Variants in RBM12 observed in about 807,000 individuals in gnomAD.
RBM12 encodes RNA-binding protein 12.
In RBM12, 24 loss-of-function variants were observed where a neutral mutation model predicts 37.2. The observed-to-expected ratio is 0.65, with a 90% CI of 0.47 to 0.91. The LOEUF (loss-of-function observed/expected upper bound fraction) is 0.91, where lower values mean the gene tolerates loss of function less well. Ranked by LOEUF, RBM12 falls within the 40% of genes least tolerant of loss-of-function variation. RBM12 has a pLI of 0.00. For synonymous variants in RBM12, 420 were observed against 425.2 expected (o/e 0.99, Z 0.15); for missense variants, 1,061 against 1,183.2 (o/e 0.90, Z 1.52).
Position 35,654,434 on chromosome 20 carries a change from G to C in RBM12, c.889C>G (p.Leu297Val). ...TACAGATCATCAGGGTTGATGGGGA[G>C]TGGCTTCACACTGCTCTGAGAGTTC... Reference protein sequence around the residue: ...QMNSQSSVKPLPINPDDLYVS... With the variant: ...QMNSQSSVKPVPINPDDLYVS... Residue 297 changes from leucine to valine, a missense_variant, in exon 3 of 3, where the codon CTC becomes GTC. Around this residue, in one of 3 missense-constraint regions of RBM12, gnomAD observed 540 missense variants for 632.7 expected, o/e 0.85. Transcript: ENST00000374114. 1 of 1,614,210 alleles carries C rather than the reference G, an allele frequency of 6.2e-7. No individual in the cohort carries two copies. Among genetic ancestry groups the C allele is most frequent in the South Asian group, 1.1e-5 (1 of 91,086 alleles).
At chr20:35,660,270 T>C (rs1408868175) in intron 1 of RBM12, among the ~76,000 whole-genome samples, 1 of 152,176 alleles carries the variant, frequency 6.6e-6, no homozygotes, top group African/African-American at 2.4e-5. Context: ...TGGCGCGATC[T>C]AGGCTCATTA....
At chr20:35,663,559 A>T (rs762315841) in intron 1 of RBM12, among the ~76,000 whole-genome samples, 2 of 152,118 alleles carry the variant, frequency 1.3e-5, no homozygotes, top group African/African-American at 2.4e-5. Flanking sequence ...AACTTCTTCA[A>T]TTTATATTAG....
At chr20:35,664,701 C>T (rs991272778) in intron 1 of RBM12, 59 bp downstream of exon 1, 1 of 152,368 alleles carries the variant, frequency 6.6e-6, no homozygotes. Context: ...CCCCGGGCCA[C>T]CAAGGGGCAC....
At chr20:35,656,690 A>G (rs960970204) in intron 2 of RBM12, among the ~76,000 whole-genome samples, 107 of 152,226 alleles carry the variant, frequency 7.0e-4, no homozygotes, top group African/African-American at 2.4e-3. Context: ...ATGCGCCACC[A>G]TGCCTGGCTA....
rs992626660 is a variant in RBM12, at chr20:35,649,432, T to G, written c.*3092A>C. ...CATACAGTCCTAGATTTTCATCCAGTGGGTTAAGACTGGCCTTAACTACAC... is the reference window on the plus strand; with the variant it reads ...CATACAGTCCTAGATTTTCATCCAGGGGGTTAAGACTGGCCTTAACTACAC... On this transcript the variant is annotated 3_prime_UTR_variant, in exon 3 of 3. Transcript: ENST00000374114. The G allele has an allele frequency of 6.6e-6, 1 of 152,476 alleles. No homozygotes were observed. Among genetic ancestry groups the G allele is most frequent in the Admixed American group, 6.5e-5 (1 of 15,284 alleles). 9.4% of individuals were successfully genotyped at this position (152,476 alleles called of 1,614,324 possible). A position where few individuals can be genotyped will look rare whatever the true frequency, so the allele number is the denominator to read the frequency against.
At chr20:35,658,401 G>C (rs1378306201) in intron 2 of RBM12, among the ~76,000 whole-genome samples, 1 of 152,078 alleles carries the variant, frequency 6.6e-6, no homozygotes, top group Non-Finnish European at 1.5e-5. Context: ...AAATGAAATT[G>C]ACCCCCAAAG....
Position 35,654,239 on chromosome 20 carries a change from G to A in RBM12, c.1084C>T (p.Arg362Ter), listed in dbSNP as rs1247756572. The A allele has an allele frequency of 4.3e-6, 7 of 1,614,164 alleles. No homozygotes were observed. Among genetic ancestry groups the A allele is most frequent in the East Asian group, 4.5e-5 (2 of 44,890 alleles). Residue 362 changes from arginine to a stop codon, truncating the protein, a stop_gained, in exon 3 of 3, where the codon CGA becomes TGA. Transcript: ENST00000374114. LOFTEE classifies it high-confidence loss of function. ...CGTTGAATCATCAGCATTCTGTTTC[G>A]TTTCAAAGCTTCAAATGTATCTTGA... ...SPQDTFEALK[R>*]NRMLMIQRYV...
chr20:35,653,957 C>T lies in RBM12; in HGVS notation c.1366G>A (p.Val456Met). 6.2e-7 allele frequency: 1 copy of T among 1,614,162 alleles called. No individual in the cohort carries two copies. Among genetic ancestry groups the T allele is most frequent in the Non-Finnish European group, 8.5e-7 (1 of 1,180,036 alleles). Residue 456 changes from valine (V) to methionine (M), a missense_variant, in exon 3 of 3, where the codon GTG becomes ATG. Physicochemically the swap from Val to Met is conservative, Grantham distance 21. Transcript: ENST00000374114. ...TAAGCTATATAAATACTATCTTCCA[C>T]AATATCCAGCTTTTTAAAAAAATCA... Reference protein sequence around the residue: ...VIDFFKKLDIVEDSIYIAYGP... With the variant: ...VIDFFKKLDIMEDSIYIAYGP...
chr20:35,658,247 G>T (rs917833499), intron 2 of RBM12, among the ~76,000 whole-genome samples: 3 of 151,980 alleles, frequency 2.0e-5, no homozygotes, highest in Admixed American at 6.6e-5. Context: ...TAAAACATGT[G>T]ACCCATTATC....
intron 1 of RBM12, chr20:35,664,541 C>A (rs773557866): frequency 6.6e-6 from 1 of 152,360 alleles, no homozygotes; most frequent in Non-Finnish European, 1.5e-5. Context: ...CTCGTCCCCA[C>A]TTCGGTACGC....
chr20:35,657,060 C>CA (rs150401151), intron 2 of RBM12, among the ~76,000 whole-genome samples: 3,353 of 152,308 alleles, frequency 0.022, 124 homozygotes, highest in African/African-American at 0.077. Flanking sequence ...TTGGCTTTGA[C>CA]AGTTTTCTCA....
In RBM12 at chr20:35,654,435, T is replaced by C; in HGVS notation, c.888A>G (p.Pro296=). Residue 296 remains proline, a synonymous_variant, in exon 3 of 3, where the codon CCA becomes CCG. Coordinates refer to ENST00000374114, the MANE Select transcript of RBM12 (RefSeq NM_006047.6). ...IQMNSQSSVK[P]LPINPDDLYV... ...ACAGATCATCAGGGTTGATGGGGAG[T>C]GGCTTCACACTGCTCTGAGAGTTCA... 1.2e-6 allele frequency: 2 copies of C among 1,613,870 alleles called. No homozygotes were observed. Among genetic ancestry groups the C allele is most frequent in the Non-Finnish European group, 1.7e-6 (2 of 1,179,982 alleles).
At chr20:35,659,836 G>C (rs1346061589) in intron 1 of RBM12, among the ~76,000 whole-genome samples, 29 of 151,960 alleles carry the variant, frequency 1.9e-4, no homozygotes, top group Admixed American at 1.8e-3. Flanking sequence ...TATATTCAAA[G>C]GTCATTTTTT....
chr20:35,652,774 G>A lies in RBM12; in HGVS notation c.2549C>T (p.Ser850Phe). The A allele has an allele frequency of 6.2e-7, 1 of 1,611,880 alleles. No individual in the cohort carries two copies. The highest frequency in any genetic ancestry group is 8.5e-7 in the Non-Finnish European group (1 of 1,178,646). Reference protein sequence around the residue: ...IGGPPGFASSSGKPGPTVIKV... With the variant: ...IGGPPGFASSFGKPGPTVIKV... ...AATTACTGTCGGTCCTGGTTTTCCA[G>A]AACTAGATGCAAAGCCAGGGGGACC... Residue 850 changes from serine to phenylalanine, a missense_variant, in exon 3 of 3, where the codon TCT becomes TTT. Transcript: ENST00000374114.
rs1444331659 is a variant in RBM12, at chr20:35,653,087, C to T, written c.2236G>A (p.Ala746Thr). ...ATACCAGGCCTAGCATCACCAAAGG[C>T]CCCGCCTCCTAATCCTGGAGGAGGG... is the stretch of plus-strand genomic sequence containing the variant. ...PIPPPGLGGG[A>T]FGDARPGMPS... The change falls in exon 3 of 3, where the codon GCC becomes ACC. Residue 746 changes from alanine to threonine, a missense_variant. Coordinates refer to ENST00000374114, the MANE Select transcript of RBM12 (RefSeq NM_006047.6). 3 of 1,613,916 alleles carry T rather than the reference C, an allele frequency of 1.9e-6. No homozygotes were observed. Among genetic ancestry groups the T allele is most frequent in the Non-Finnish European group, 2.5e-6 (3 of 1,180,036 alleles).
chr20:35,653,240 C>T lies in RBM12; in HGVS notation c.2083G>A (p.Ala695Thr). Residue 695 changes from alanine to threonine, a missense_variant, in exon 3 of 3, where the codon GCA becomes ACA. This residue lies in a region of RBM12 where 517 missense variants were observed against 534.0 expected (regional missense o/e 0.97). Coordinates refer to ENST00000374114, the MANE Select transcript of RBM12 (RefSeq NM_006047.6). The stretch of plus-strand genomic sequence containing the variant: ...TCACCTCCTGCACTAGGTATTCCTG[C>T]ACTGGGCATTCCCGCACCAGGCAGT... ...AGLPGAGMPSAGIPSAGGEEH... is the reference protein window; with the variant it reads ...AGLPGAGMPSTGIPSAGGEEH... 6.2e-7 allele frequency: 1 copy of T among 1,613,608 alleles called. No individual in the cohort carries two copies. Among genetic ancestry groups the T allele is most frequent in the Non-Finnish European group, 8.5e-7 (1 of 1,179,920 alleles).
intron 1 of RBM12, 61 bp downstream of exon 1, chr20:35,664,699 C>T (rs2034444687): frequency 6.6e-6 from 1 of 152,366 alleles, no homozygotes; most frequent in Non-Finnish European, 1.5e-5. Flanking sequence ...CGCCCCGGGC[C>T]ACCAAGGGGC....
rs1163705346 is a variant in RBM12, at chr20:35,649,532, G to A, written c.*2992C>T. 4 of 152,574 alleles carry A rather than the reference G, an allele frequency of 2.6e-5. No individual in the cohort carries two copies. Among genetic ancestry groups the A allele is most frequent in the Non-Finnish European group, 4.4e-5 (3 of 68,022 alleles). 9.5% of individuals were successfully genotyped at this position (152,574 alleles called of 1,614,324 possible). A position where few individuals can be genotyped will look rare whatever the true frequency, so the allele number is the denominator to read the frequency against. On this transcript the variant is annotated 3_prime_UTR_variant, in exon 3 of 3. Transcript: ENST00000374114. ...ATTGTTGATGCTTTGACAACTTGGA[G>A]TACAAAGCTAGGAACTACATTTCAC...
chr20:35,661,922 C>T (rs1266324642), intron 1 of RBM12, among the ~76,000 whole-genome samples: 1 of 152,168 alleles, frequency 6.6e-6, no homozygotes, highest in Non-Finnish European at 1.5e-5. Flanking sequence ...CAAATGTTCA[C>T]CTCAGAGATT....
Sources: gnomAD v4.1 joint callset for allele counts (sites outside exome capture counted in the v4.1 genomes callset) on GRCh38, gnomAD v4.1.1 for gene constraint, gnomAD v4.1.1 regional missense constraint, MANE v1.5 for transcripts, NCBI Gene and HGNC (gene_info 2026-07-23, HGNC 2026-07-21) for gene names.